The following PTPRQ variants were observed in gnomAD, a reference collection of about 807,000 sequenced individuals.
The protein encoded by PTPRQ is phosphatidylinositol phosphatase PTPRQ.
Under a neutral mutation model 246.0 loss-of-function variants are expected in PTPRQ, and 199 were observed. The ratio of observed to expected loss-of-function variants is 0.81; its 90% CI spans 0.72 to 0.91. PTPRQ has a LOEUF of 0.91. Among genes scored for constraint, PTPRQ ranks in the 40% least tolerant of loss-of-function variants. The pLI is 0.00. For missense variants in PTPRQ, 2,624 were observed against 2,528.4 expected (o/e 1.04, Z -0.81); for synonymous variants, 869 against 853.2 (o/e 1.02, Z -0.32).
Position 80,481,583 on chromosome 12 carries a change from T to A in PTPRQ, c.1187-2850T>A, listed in dbSNP as rs561736027. On this transcript the variant is annotated intron_variant, in intron 8 of 44. Coordinates refer to ENST00000644991, the MANE Select transcript of PTPRQ (RefSeq NM_001145026.2). The stretch of plus-strand genomic sequence containing the variant: ...TCAATTAGGAAAAGAGGAAGTCAAA[T>A]TGTCCCTGCTTGCAGATGACATGAT... Among the ~76,000 whole-genome samples, 19 of 152,204 alleles carry A rather than the reference T, an allele frequency of 1.2e-4. No homozygotes were observed. In the South Asian group the frequency reaches 3.9e-3, roughly 32 times the overall value.
chr12:80,470,680 A>G (rs1893596192), intron 7 of PTPRQ, among the ~76,000 whole-genome samples: 1 of 152,196 alleles, frequency 6.6e-6, no homozygotes, highest in Admixed American at 6.5e-5. Flanking sequence ...TTATAATTGA[A>G]ACTGACACTG....
chr12:80,668,438 A>T (rs534241455), intron 39 of PTPRQ, among the ~76,000 whole-genome samples: 1 of 152,038 alleles, frequency 6.6e-6, no homozygotes, highest in South Asian at 2.1e-4. Context: ...CTAATGACTA[A>T]TGCCACAGTT....
rs78438935 is a variant in PTPRQ, at chr12:80,636,516, A to G, written c.5915+1443A>G. On this transcript the variant is annotated intron_variant, in intron 35 of 44. Transcript: ENST00000644991. ...CCTCCTAGCCTCCTTCCTGCACTCC[A>G]TCGTCAGTTCCTTTTGCCCCTCCTC... Among the ~76,000 whole-genome samples the G allele has an allele frequency of 6.2e-3, 943 of 152,210 alleles. 12 individuals are homozygous for G. Among genetic ancestry groups the G allele is most frequent in the African/African-American group, 0.022 (906 of 41,530 alleles).
At chr12:80,677,914 A>G (rs998704872) in intron 43 of PTPRQ, among the ~76,000 whole-genome samples, 1 of 152,038 alleles carries the variant, frequency 6.6e-6, no homozygotes, top group African/African-American at 2.4e-5. Context: ...AGCTTTAACT[A>G]CTTTTGATAA....
intron 35 of PTPRQ, among the ~76,000 whole-genome samples, chr12:80,643,596 G>A (rs1899968911): frequency 6.6e-6 from 1 of 152,126 alleles, no homozygotes; most frequent in Non-Finnish European, 1.5e-5. Flanking sequence ...GAATACAGAA[G>A]GATGTGACAG....
intron 1 of PTPRQ, 58 bp from the exon 2 acceptor site, chr12:80,444,683 T>C: frequency 7.8e-7 from 1 of 1,277,844 alleles, no homozygotes; most frequent in East Asian, 2.6e-5. Context: ...AGATTTATTT[T>C]AGCTTGCTTG....
At chr12:80,602,808 G>T (rs1035511327) in intron 26 of PTPRQ, among the ~76,000 whole-genome samples, 1 of 151,732 alleles carries the variant, frequency 6.6e-6, no homozygotes, top group African/African-American at 2.4e-5. Context: ...CAGAGCATGT[G>T]ATTCACTTGA....
At chr12:80,518,055 C>A (rs1484994484) in intron 17 of PTPRQ, among the ~76,000 whole-genome samples, 4 of 152,108 alleles carry the variant, frequency 2.6e-5, no homozygotes, top group African/African-American at 9.7e-5. Flanking sequence ...TGAGGACCTT[C>A]CAAACTGTTC....
chr12:80,506,355 G>T, intron 15 of PTPRQ, 149 bp downstream of exon 15: 1 of 937,148 alleles, frequency 1.1e-6, no homozygotes, highest in Non-Finnish European at 1.5e-6. Flanking sequence ...GTTTATTGCA[G>T]GTCACATGAA....
intron 8 of PTPRQ, among the ~76,000 whole-genome samples, chr12:80,477,159 A>G (rs1164272975): frequency 6.6e-6 from 1 of 152,150 alleles, no homozygotes; most frequent in Non-Finnish European, 1.5e-5. Flanking sequence ...ATTTTTATTT[A>G]CTATTGCAAT....
intron 3 of PTPRQ, among the ~76,000 whole-genome samples, chr12:80,455,772 A>ATT (rs59826411): frequency 1.0e-4 from 15 of 149,776 alleles, no homozygotes; most frequent in Admixed American, 3.3e-4. Context: ...TTCGTATTTT[A>ATT]TTTTTTTTTA....
chr12:80,573,918 T>C (rs74766889), intron 25 of PTPRQ, among the ~76,000 whole-genome samples: 2,176 of 152,254 alleles, frequency 0.014, 28 homozygotes, highest in South Asian at 0.034. Context: ...TTCCATGTGG[T>C]TAATAGTGTT....
At position 80,496,541 on chromosome 12, in the gene PTPRQ, T is replaced by G. The variant is rs1260471153; in HGVS notation, c.2272+10T>G. On this transcript the variant is annotated intron_variant, in intron 14 of 44. Transcript: ENST00000644991. ...AGGACTTCGGAGACTGGTGAGCTTT[T>G]GTTTTCTTTGTTTGTTTAATAATAC... is the stretch of plus-strand genomic sequence containing the variant. 2.1e-6 allele frequency: 3 copies of G among 1,425,284 alleles called. No homozygotes were observed. The highest frequency in any genetic ancestry group is 1.3e-5 in the South Asian group (1 of 76,566). The allele number at this position is 1,425,284 out of a possible 1,614,324, so 88.3% of individuals were successfully genotyped here.
intron 17 of PTPRQ, among the ~76,000 whole-genome samples, chr12:80,522,622 A>T (rs1895537736): frequency 6.6e-6 from 1 of 152,058 alleles, no homozygotes; most frequent in Non-Finnish European, 1.5e-5. Context: ...TGAGATAATC[A>T]TGTGGTTTTT....
rs1309578176 is a variant in PTPRQ at position 80,444,666 on chromosome 12, T to C, written c.55-75T>C. 1.1e-5 allele frequency: 12 copies of C among 1,068,800 alleles called. No homozygotes were observed. The Admixed American group carries it at 1.2e-4, about 11-fold the overall frequency. The allele number at this position is 1,068,800 out of a possible 1,614,324, so 66.2% of individuals were successfully genotyped here. A position where few individuals can be genotyped will look rare whatever the true frequency, so the allele number is the denominator to read the frequency against. ...TATAGTGAAGAGTTAATTTTTGTTA[T>C]AGTGATAGATTTATTTTAGCTTGCT... is the stretch of plus-strand genomic sequence containing the variant. On this transcript the variant is annotated intron_variant, in intron 1 of 44. Transcript: ENST00000644991.
chr12:80,478,719 C>T (rs1016069774), intron 8 of PTPRQ, among the ~76,000 whole-genome samples: 5 of 151,968 alleles, frequency 3.3e-5, no homozygotes, highest in African/African-American at 7.3e-5. Context: ...TCGAGAACTA[C>T]GTGAAGAATG....
At chr12:80,490,802 G>C (rs1428282431) in intron 9 of PTPRQ, among the ~76,000 whole-genome samples, 1 of 151,856 alleles carries the variant, frequency 6.6e-6, no homozygotes, top group Non-Finnish European at 1.5e-5. Flanking sequence ...TTCTACTGCT[G>C]CTTCTCTCTG....
chr12:80,635,202 A>G, intron 35 of PTPRQ, 129 bp downstream of exon 35: 1 of 1,366,550 alleles, frequency 7.3e-7, no homozygotes, highest in Non-Finnish European at 9.5e-7. Context: ...TCTTTCAAAG[A>G]GTGACCTCCG....
chr12:80,546,524 C>A (rs1291757253), intron 23 of PTPRQ, 32 bp from the exon 24 acceptor site: 5 of 1,527,830 alleles, frequency 3.3e-6, no homozygotes, highest in Non-Finnish European at 3.5e-6. Context: ...TTTGACAGTG[C>A]ATTAACTAAT....
Sources: allele counts gnomAD v4.1 joint callset (sites outside exome capture counted in the v4.1 genomes callset), GRCh38; gene constraint gnomAD v4.1.1; transcripts MANE v1.5; gene names NCBI Gene and HGNC (gene_info 2026-07-23, HGNC 2026-07-21).